The following CRCP variants were observed in gnomAD, a reference collection of about 807,000 sequenced individuals.
CRCP encodes the protein CGRP receptor component.
Under a neutral mutation model 18.5 loss-of-function variants are expected in CRCP, and 18 were observed. That is an observed-to-expected ratio of 0.97 (90% confidence interval 0.67 to 1.44). CRCP has a LOEUF of 1.44. CRCP is among the 40% of genes most tolerant of loss of function. CRCP has a pLI of 0.00. For synonymous variants in CRCP, 53 were observed against 62.9 expected (o/e 0.84, Z 0.75); for missense variants, 130 against 176.4 (o/e 0.74, Z 1.49).
intron 4 of CRCP, among the ~76,000 whole-genome samples, chr7:66,144,609 G>A (rs751138109): frequency 6.6e-6 from 1 of 152,072 alleles, no homozygotes; most frequent in Non-Finnish European, 1.5e-5. Context: ...GGGACTACAG[G>A]TAGCTGGGAC....
intron 4 of CRCP, among the ~76,000 whole-genome samples, chr7:66,137,994 A>T (rs573214453): frequency 6.6e-6 from 1 of 152,294 alleles, no homozygotes; most frequent in South Asian, 2.1e-4. Context: ...TTTTGTCATC[A>T]TTTCTTTTCC....
Position 66,114,907 on chromosome 7 carries a change from T to C in CRCP, c.-56T>C. On this transcript the variant is annotated 5_prime_UTR_variant, in exon 1 of 6. Transcript: ENST00000395326. ...CGCTGTTGGTGGCGGCGGAGACAGC[T>C]GTGAAGTGTGAGGTTCTTTGTCTGC... The C allele has an allele frequency of 6.2e-7, 1 of 1,610,700 alleles. No individual in the cohort carries two copies. Among genetic ancestry groups the C allele is most frequent in the Non-Finnish European group, 8.5e-7 (1 of 1,177,436 alleles).
intron 4 of CRCP, among the ~76,000 whole-genome samples, chr7:66,137,510 A>G (rs148108242): frequency 6.6e-6 from 1 of 152,204 alleles, no homozygotes; most frequent in Non-Finnish European, 1.5e-5. Flanking sequence ...GAGAGCAGAC[A>G]TCCTCATCTT....
chr7:66,122,307 G>A (rs1395266800), intron 1 of CRCP, among the ~76,000 whole-genome samples: 1 of 149,230 alleles, frequency 6.7e-6, no homozygotes, highest in Non-Finnish European at 1.5e-5. Flanking sequence ...CCCGGGTGGC[G>A]GAGTTTGCGG....
intron 5 of CRCP, among the ~76,000 whole-genome samples, chr7:66,148,096 T>A (rs1357063689): frequency 6.7e-6 from 1 of 149,498 alleles, no homozygotes; most frequent in Non-Finnish European, 1.5e-5. Context: ...GCACGGTGGC[T>A]CACGCCTGTA....
chr7:66,123,635 C>A (rs1008108675), intron 1 of CRCP, among the ~76,000 whole-genome samples: 8 of 151,884 alleles, frequency 5.3e-5, no homozygotes, highest in Non-Finnish European at 1.0e-4. Flanking sequence ...GTAATACCAG[C>A]TACTTGGGAG....
At chr7:66,130,191 T>C (rs1175627110) in intron 2 of CRCP, 1 of 238,564 alleles carries the variant, frequency 4.2e-6, no homozygotes, top group South Asian at 3.9e-5. Context: ...CTGCAACCTC[T>C]GCCTCCCGGA....
At chr7:66,125,414 A>G (rs1282868285) in intron 1 of CRCP, among the ~76,000 whole-genome samples, 1 of 149,604 alleles carries the variant, frequency 6.7e-6, no homozygotes, top group Non-Finnish European at 1.5e-5. Flanking sequence ...AAGGCCTAGC[A>G]TACATTGATT....
chr7:66,127,485 G>C (rs1028140368), intron 1 of CRCP, among the ~76,000 whole-genome samples: 7 of 152,204 alleles, frequency 4.6e-5, no homozygotes, highest in African/African-American at 1.7e-4. Context: ...GGACATGGCT[G>C]TGGGATGGGA....
intron 1 of CRCP, among the ~76,000 whole-genome samples, chr7:66,117,388 T>C (rs34349434): frequency 0.042 from 6,456 of 152,252 alleles, 222 homozygotes; most frequent in Admixed American, 0.074. Context: ...CTCCACACTC[T>C]GTCATTTCAC....
At chr7:66,132,459 A>G (rs562342483) in intron 3 of CRCP, among the ~76,000 whole-genome samples, 160 of 152,346 alleles carry the variant, frequency 1.1e-3, no homozygotes, top group African/African-American at 3.5e-3. Context: ...TTTGAGGAAG[A>G]GTACCACAGA....
intron 5 of CRCP, among the ~76,000 whole-genome samples, chr7:66,151,667 T>TTCTC (rs141979300): frequency 0.01 from 681 of 65,112 alleles, 4 homozygotes; most frequent in Non-Finnish European, 0.015. Flanking sequence ...TGTTCACCAC[T>TTCTC]TCTCTCTGTG....
chr7:66,136,760 G>A (rs187911297), intron 4 of CRCP, among the ~76,000 whole-genome samples: 9 of 152,016 alleles, frequency 5.9e-5, no homozygotes, highest in African/African-American at 1.9e-4. Context: ...AGTTTTGGGG[G>A]AGAATTGACA....
Position 66,154,218 on chromosome 7 carries a change from T to C in CRCP, c.*1861T>C, listed in dbSNP as rs2460427. 0.77 allele frequency: 109,333 copies of C among 142,792 alleles called. 42,163 individuals carry two copies. The highest frequency in any genetic ancestry group is 0.82 in the African/African-American group (31,455 of 38,276). 8.8% of individuals were successfully genotyped at this position (142,792 alleles called of 1,614,324 possible). A position where few individuals can be genotyped will look rare whatever the true frequency, so the allele number is the denominator to read the frequency against. ...TTTTTTTGAGACAGTCTCGCTGTGT[T>C]GCCCAGGAGTGCAGTGGCACGATCT... is the stretch of plus-strand genomic sequence containing the variant. On this transcript the variant is annotated 3_prime_UTR_variant, in exon 6 of 6. Transcript: ENST00000395326.
chr7:66,151,371 C>T (rs1788451990), intron 5 of CRCP, among the ~76,000 whole-genome samples: 1 of 152,010 alleles, frequency 6.6e-6, no homozygotes, highest in South Asian at 2.1e-4. Flanking sequence ...AGATTGAGAC[C>T]ATCCTGGCCA....
intron 3 of CRCP, among the ~76,000 whole-genome samples, chr7:66,133,422 G>A (rs1194899084): frequency 2.6e-5 from 4 of 151,918 alleles, no homozygotes; most frequent in Non-Finnish European, 5.9e-5. Context: ...GCAGGAGAAT[G>A]GTGTGAACCC....
chr7:66,143,671 A>G (rs1788204037), intron 4 of CRCP, among the ~76,000 whole-genome samples: 1 of 152,200 alleles, frequency 6.6e-6, no homozygotes, highest in Admixed American at 6.6e-5. Flanking sequence ...CGTGAGACAG[A>G]TGGCATTATG....
chr7:66,140,548 A>G (rs1272643606), intron 4 of CRCP, among the ~76,000 whole-genome samples: 2 of 151,980 alleles, frequency 1.3e-5, no homozygotes, highest in African/African-American at 4.8e-5. Flanking sequence ...GGTGCATGCC[A>G]TCACCGCTAA....
intron 5 of CRCP, among the ~76,000 whole-genome samples, chr7:66,147,341 GA>G (rs11316310): frequency 0.63 from 87,783 of 139,708 alleles, 27,190 homozygotes; most frequent in African/African-American, 0.69. Flanking sequence ...TCCATCTTGG[GA>G]AAAAAAAAAA....
Sources: allele counts gnomAD v4.1 joint callset (sites outside exome capture counted in the v4.1 genomes callset), GRCh38; gene constraint gnomAD v4.1.1; transcripts MANE v1.5; gene names NCBI Gene and HGNC (gene_info 2026-07-23, HGNC 2026-07-21).